Variants in AKAP19 observed in about 807,000 individuals in gnomAD.
AKAP19 encodes A-kinase anchoring protein 19, also known as small A-kinase anchoring protein.
chr2:190,054,265 G>T, the AKAP19 span, among the ~76,000 whole-genome samples: 1 of 152,040 alleles, frequency 6.6e-6, no homozygotes. Context: ...AATAAATGGT[G>T]CTGGGAAAAC....
At chr2:190,001,353 C>T in the AKAP19 span, among the ~76,000 whole-genome samples, 1 of 152,080 alleles carries the variant, frequency 6.6e-6, no homozygotes, top group Non-Finnish European at 1.5e-5. Context: ...CGGCTTTCTC[C>T]CCCCAATATG....
At chr2:190,037,556 A>G in the AKAP19 span, among the ~76,000 whole-genome samples, 1 of 152,228 alleles carries the variant, frequency 6.6e-6, no homozygotes, top group Non-Finnish European at 1.5e-5. Context: ...CTCCATAGCC[A>G]GGGTAGGAGT....
chr2:190,036,447 T>C, the AKAP19 span, among the ~76,000 whole-genome samples: 1 of 152,228 alleles, frequency 6.6e-6, no homozygotes, highest in Non-Finnish European at 1.5e-5. Flanking sequence ...GAAATGCACC[T>C]TCTATGTAGA....
chr2:189,908,926 A>G, the AKAP19 span, among the ~76,000 whole-genome samples: 4 of 152,082 alleles, frequency 2.6e-5, no homozygotes, highest in Admixed American at 6.6e-5. Context: ...TTCTGTCTGG[A>G]TGACCTATCC....
At chr2:190,070,628 T>A in the AKAP19 span, among the ~76,000 whole-genome samples, 1 of 138,938 alleles carries the variant, frequency 7.2e-6, no homozygotes. Flanking sequence ...CCCCCCCTTT[T>A]TTTTTGGTAA....
At chr2:190,170,946 G>A in the AKAP19 span, among the ~76,000 whole-genome samples, 1 of 152,092 alleles carries the variant, frequency 6.6e-6, no homozygotes, top group Non-Finnish European at 1.5e-5. Context: ...CTCAAGAATT[G>A]AACTCTCTGG....
chr2:190,036,491 T>C, the AKAP19 span, among the ~76,000 whole-genome samples: 1 of 152,228 alleles, frequency 6.6e-6, no homozygotes, highest in African/African-American at 2.4e-5. Flanking sequence ...TTTTAAAATA[T>C]CATTGTCATT....
chr2:190,051,709 A>G, the AKAP19 span, among the ~76,000 whole-genome samples: 4 of 152,324 alleles, frequency 2.6e-5, no homozygotes, highest in African/African-American at 9.6e-5. Flanking sequence ...ACTGTAAGAC[A>G]CAGGTCTTGG....
chr2:190,187,922 T>C, the AKAP19 span, among the ~76,000 whole-genome samples: 1 of 152,132 alleles, frequency 6.6e-6, no homozygotes, highest in Non-Finnish European at 1.5e-5. Flanking sequence ...GAAGGCCCAG[T>C]TGTTGCTAGA....
the AKAP19 span, among the ~76,000 whole-genome samples, chr2:190,131,136 G>A: frequency 6.6e-6 from 1 of 152,118 alleles, no homozygotes. Context: ...CTTTGACCCT[G>A]GTTCCTGACA....
At chr2:190,105,348 A>G in the AKAP19 span, among the ~76,000 whole-genome samples, 17 of 152,216 alleles carry the variant, frequency 1.1e-4, no homozygotes, top group East Asian at 1.9e-4. Flanking sequence ...TATGAATACC[A>G]TAATTACTGG....
chr2:189,913,611 T>G, the AKAP19 span, among the ~76,000 whole-genome samples: 9 of 152,124 alleles, frequency 5.9e-5, no homozygotes, highest in Non-Finnish European at 1.5e-5. Context: ...TAAATACATA[T>G]GGCTATAGGT....
At chr2:190,104,968 A>G in the AKAP19 span, among the ~76,000 whole-genome samples, 30,374 of 152,120 alleles carry the variant, frequency 0.2, 3,164 homozygotes, top group African/African-American at 0.25. Flanking sequence ...AATGGCTATT[A>G]TTAAAAAATG....
the AKAP19 span, among the ~76,000 whole-genome samples, chr2:189,956,537 C>G: frequency 2.0e-5 from 3 of 151,942 alleles, no homozygotes; most frequent in East Asian, 5.8e-4. Flanking sequence ...ACTAGTGCTG[C>G]ACTATAATAA....
chr2:190,198,167 C>G, the AKAP19 span, among the ~76,000 whole-genome samples: 20 of 152,028 alleles, frequency 1.3e-4, no homozygotes, highest in Admixed American at 4.6e-4. Context: ...ACTGCCTTTC[C>G]TTTCTTACCC....
the AKAP19 span, among the ~76,000 whole-genome samples, chr2:190,191,701 T>C: frequency 3.3e-5 from 5 of 152,238 alleles, no homozygotes; most frequent in Admixed American, 3.3e-4. Context: ...GTAATTTGCA[T>C]TTCCCTAATG....
At chr2:190,159,838 G>T in the AKAP19 span, among the ~76,000 whole-genome samples, 1 of 152,180 alleles carries the variant, frequency 6.6e-6, no homozygotes, top group Admixed American at 6.5e-5. Flanking sequence ...GCCATTGTTG[G>T]CCCTTTCTAA....
At chr2:190,124,008 G>A in the AKAP19 span, among the ~76,000 whole-genome samples, 40 of 152,322 alleles carry the variant, frequency 2.6e-4, no homozygotes, top group Middle Eastern at 0.014. Flanking sequence ...TTGGACTCAA[G>A]GATTTACACC....
chr2:189,989,677 A>T, the AKAP19 span, among the ~76,000 whole-genome samples: 2 of 152,252 alleles, frequency 1.3e-5, no homozygotes, highest in South Asian at 4.1e-4. Flanking sequence ...AAATATGGAG[A>T]TTATTTTAAA....
Sources: allele counts gnomAD v4.1 joint callset (sites outside exome capture counted in the v4.1 genomes callset), GRCh38; gene constraint gnomAD v4.1.1; transcripts MANE v1.5; gene names NCBI Gene and HGNC (gene_info 2026-07-23, HGNC 2026-07-21).